Variants in FBXL20 observed in about 807,000 individuals in gnomAD.
FBXL20 encodes the protein F-box and leucine rich repeat protein 20, also known as F-box/LRR-repeat protein 20.
Under a neutral mutation model 64.0 loss-of-function variants are expected in FBXL20, and 11 were observed. The observed-to-expected ratio is 0.17, with a 90% CI of 0.11 to 0.28. FBXL20 has a LOEUF of 0.28. Ranked by LOEUF, FBXL20 falls within the 10% of genes least tolerant of loss-of-function variation. The pLI is 1.00. For synonymous variants in FBXL20, 184 were observed against 189.0 expected (o/e 0.97, Z 0.22); for missense variants, 303 against 526.2 (o/e 0.58, Z 4.15).
chr17:39,374,138 T>A (rs1488136868), intron 1 of FBXL20, among the ~76,000 whole-genome samples: 1 of 151,152 alleles, frequency 6.6e-6, no homozygotes, highest in Non-Finnish European at 1.5e-5. Context: ...GGCAGGAGAA[T>A]CGCTTGAACC....
chr17:39,363,810 C>CAAAAAAAAAAAAAACAAAAA (rs2047824127), intron 1 of FBXL20, among the ~76,000 whole-genome samples: 1 of 26,676 alleles, frequency 3.7e-5, no homozygotes, highest in Non-Finnish European at 6.3e-5. Flanking sequence ...GACTTTATCT[C>CAAAAAAAAAAAAAACAAAAA]AAAAAAAAAA....
chr17:39,325,930 T>C (rs2047404437), intron 2 of FBXL20, among the ~76,000 whole-genome samples: 2 of 152,182 alleles, frequency 1.3e-5, no homozygotes, highest in South Asian at 4.1e-4. Context: ...ATCCCCAATG[T>C]TGGAGGTGGG....
At chr17:39,372,206 A>G (rs751718057) in intron 1 of FBXL20, among the ~76,000 whole-genome samples, 3 of 152,068 alleles carry the variant, frequency 2.0e-5, no homozygotes, top group Non-Finnish European at 2.9e-5. Context: ...GCCTGGGAAT[A>G]ATTCTACTTT....
intron 1 of FBXL20, among the ~76,000 whole-genome samples, chr17:39,353,169 A>G (rs1383624740): frequency 2.0e-5 from 3 of 152,190 alleles, no homozygotes; most frequent in Non-Finnish European, 2.9e-5. Flanking sequence ...TTTATGAGAG[A>G]AAATAAACAT....
At chr17:39,376,241 A>C (rs934753151) in intron 1 of FBXL20, among the ~76,000 whole-genome samples, 1 of 152,146 alleles carries the variant, frequency 6.6e-6, no homozygotes, top group Non-Finnish European at 1.5e-5. Flanking sequence ...CTCCCTGGAA[A>C]ACCAGCTCAA....
intron 6 of FBXL20, among the ~76,000 whole-genome samples, chr17:39,289,109 CTGATA>C (rs758962372): frequency 1.1e-4 from 16 of 152,114 alleles, no homozygotes; most frequent in Non-Finnish European, 2.2e-4. Context: ...AATCCACTGA[CTGATA>C]TGTTTATGCT....
At chr17:39,387,499 G>C (rs575442709) in intron 1 of FBXL20, among the ~76,000 whole-genome samples, 1 of 151,614 alleles carries the variant, frequency 6.6e-6, no homozygotes, top group African/African-American at 2.4e-5. Context: ...GGCTGGTCTC[G>C]AACTCCTGAC....
chr17:39,310,943 G>A (rs1030096845), intron 2 of FBXL20, among the ~76,000 whole-genome samples: 2 of 151,778 alleles, frequency 1.3e-5, no homozygotes, highest in Non-Finnish European at 2.9e-5. Flanking sequence ...CTGAGATCGC[G>A]CCACTGCACT....
At chr17:39,401,844 C>G (rs915594103), upstream of FBXL20, 5 of 470,966 alleles carry the variant, frequency 1.1e-5, no homozygotes, top group South Asian at 3.0e-4. Context: ...GCACGACCCC[C>G]TGCGCCTCCG....
At chr17:39,380,233 T>C (rs552908822) in intron 1 of FBXL20, among the ~76,000 whole-genome samples, 42 of 152,272 alleles carry the variant, frequency 2.8e-4, no homozygotes, top group African/African-American at 9.6e-4. Context: ...AACAAATCTA[T>C]GAATGTATGG....
At chr17:39,357,650 C>T (rs962500427) in intron 1 of FBXL20, among the ~76,000 whole-genome samples, 1 of 152,296 alleles carries the variant, frequency 6.6e-6, no homozygotes, top group Admixed American at 6.5e-5. Flanking sequence ...GGGGCTCAAG[C>T]GAAGCTGCCT....
rs374818001 is a variant in FBXL20, at chr17:39,349,808, C to T, written c.43-6567G>A. On this transcript the variant is annotated intron_variant, in intron 1 of 14. Transcript: ENST00000264658. The stretch of plus-strand genomic sequence containing the variant: ...AAAATTAGCCGGGCATGGTGGCTAG[C>T]GCTTGTAGTCCCAGCTACTCAGGAG... Among the ~76,000 whole-genome samples, 18 of 152,042 alleles carry T rather than the reference C, an allele frequency of 1.2e-4. No homozygotes were observed. In the East Asian group the frequency reaches 2.5e-3, roughly 21 times the overall value.
rs183833190 is a variant in FBXL20 at position 39,365,763 on chromosome 17, G to T, written c.43-22522C>A. On this transcript the variant is annotated intron_variant, in intron 1 of 14. Transcript: ENST00000264658. ...CCATGAACTCTGAAGAACTGAATAT[G>T]ACTGAATCTCATGTTGAACTGGTGC... Among the ~76,000 whole-genome samples the T allele has an allele frequency of 6.9e-4, 105 of 152,268 alleles. 1 individual carries two copies. In the Middle Eastern group the frequency reaches 0.017, roughly 25 times the overall value.
At position 39,355,224 on chromosome 17, in the gene FBXL20, G is replaced by A. The variant is rs560512907; in HGVS notation, c.43-11983C>T. Among the ~76,000 whole-genome samples, 4 of 151,528 alleles carry A rather than the reference G, an allele frequency of 2.6e-5. No homozygotes were observed. In the East Asian group the frequency reaches 5.9e-4, roughly 22 times the overall value. ...TGGGATTACAGGTGTGAGCCACCAC[G>A]CCCGGCCTAAAATTTCTTGATTAAA... On this transcript the variant is annotated intron_variant, in intron 1 of 14. Coordinates refer to ENST00000264658, the MANE Select transcript of FBXL20 (RefSeq NM_032875.3).
chr17:39,383,921 AT>A (rs901513567), intron 1 of FBXL20, among the ~76,000 whole-genome samples: 1 of 151,892 alleles, frequency 6.6e-6, no homozygotes, highest in African/African-American at 2.4e-5. Flanking sequence ...TAAAAAATTT[AT>A]TCATGTAAAT....
At chr17:39,295,128 G>A (rs149918632) in intron 6 of FBXL20, among the ~76,000 whole-genome samples, 250 of 152,276 alleles carry the variant, frequency 1.6e-3, no homozygotes, top group African/African-American at 5.4e-3. Context: ...AAGACTGGCT[G>A]TAAACTGGTA....
intron 9 of FBXL20, among the ~76,000 whole-genome samples, chr17:39,277,179 T>G (rs1051494330): frequency 1.3e-5 from 2 of 152,070 alleles, no homozygotes; most frequent in Admixed American, 6.6e-5. Context: ...ATTAAAAAAA[T>G]TGGATGCTAA....
chr17:39,268,756 C>G (rs1276522511), intron 12 of FBXL20, 71 bp downstream of exon 12: 1 of 1,335,882 alleles, frequency 7.5e-7, no homozygotes, highest in Non-Finnish European at 1.1e-6. Flanking sequence ...TAGGGAATTG[C>G]ACATTCTGAT....
At chr17:39,397,843 T>G (rs1429213280) in intron 1 of FBXL20, among the ~76,000 whole-genome samples, 1 of 149,466 alleles carries the variant, frequency 6.7e-6, no homozygotes, top group South Asian at 2.1e-4. Context: ...AAAAGCAGGA[T>G]GACAGTGGAG....
Sources: allele counts gnomAD v4.1 joint callset (sites outside exome capture counted in the v4.1 genomes callset), GRCh38; gene constraint gnomAD v4.1.1; transcripts MANE v1.5; gene names NCBI Gene and HGNC (gene_info 2026-07-23, HGNC 2026-07-21).